The following ADGRL3 variants were observed in gnomAD, a reference collection of about 807,000 sequenced individuals.
ADGRL3 encodes adhesion G protein-coupled receptor L3.
In ADGRL3, 62 loss-of-function variants were observed where a neutral mutation model predicts 153.5. That is an observed-to-expected ratio of 0.40 (90% CI 0.33 to 0.50). ADGRL3 has a LOEUF of 0.50. Among genes scored for constraint, ADGRL3 ranks in the 20% least tolerant of loss-of-function variants. The probability of loss-of-function intolerance (pLI) is 0.47; values close to 1 mark genes in which losing one functional copy is unlikely to be tolerated. For synonymous variants in ADGRL3, 710 were observed against 672.5 expected (o/e 1.06, Z -0.86); for missense variants, 1,641 against 1,859.4 (o/e 0.88, Z 2.16).
intron 3 of ADGRL3, among the ~76,000 whole-genome samples, chr4:61,510,893 G>A (rs2098459966): frequency 1.3e-5 from 2 of 152,066 alleles, no homozygotes; most frequent in South Asian, 2.1e-4. Flanking sequence ...TTCTATCCAC[G>A]TGTATGGAAT....
rs149527637 is a variant in ADGRL3, at chr4:61,711,636, C to G, written c.584-18986C>G. Among the ~76,000 whole-genome samples, 385 of 151,162 alleles carry G rather than the reference C, an allele frequency of 2.5e-3. 5 individuals are homozygous for G. Among genetic ancestry groups the G allele is most frequent in the African/African-American group, 8.5e-3 (350 of 41,160 alleles). The stretch of plus-strand genomic sequence containing the variant: ...GAATAGGTTCAGAGTAGCTTTGGGG[C>G]TGCCACATGATTGGATAACATTTAT... On this transcript the variant is annotated intron_variant, in intron 6 of 26. Coordinates refer to ENST00000683033, the MANE Select transcript of ADGRL3 (RefSeq NM_001387552.1).
chr4:61,484,445 A>G (rs2098167589), intron 2 of ADGRL3, among the ~76,000 whole-genome samples: 1 of 152,144 alleles, frequency 6.6e-6, no homozygotes, highest in Admixed American at 6.6e-5. Context: ...CAATTTTGCG[A>G]GGATTTAAAT....
At chr4:62,040,111 T>C (rs1727390926) in intron 24 of ADGRL3, among the ~76,000 whole-genome samples, 1 of 152,110 alleles carries the variant, frequency 6.6e-6, no homozygotes, top group Non-Finnish European at 1.5e-5. Context: ...TCATTGACAC[T>C]CAGTTTTTCC....
intron 8 of ADGRL3, among the ~76,000 whole-genome samples, chr4:61,765,093 G>A (rs373464951): frequency 6.6e-6 from 1 of 152,096 alleles, no homozygotes; most frequent in Non-Finnish European, 1.5e-5. Context: ...CAAAGATTAT[G>A]TATTTACTTC....
chr4:61,702,204 C>T (rs1023695412), intron 6 of ADGRL3, among the ~76,000 whole-genome samples: 40 of 152,084 alleles, frequency 2.6e-4, no homozygotes, highest in African/African-American at 9.2e-4. Flanking sequence ...TTCTAGATGT[C>T]ATTTCTTTCT....
Position 61,302,402 on chromosome 4 carries a change from T to C in ADGRL3, c.-239-80722T>C, listed in dbSNP as rs78273669. On this transcript the variant is annotated intron_variant, in intron 1 of 26. Coordinates refer to ENST00000683033, the MANE Select transcript of ADGRL3 (RefSeq NM_001387552.1). ...TTTGAAGCAAATGGTTTATAATTGG[T>C]TCTGTCTTTATGCTTTTATCTAAAA... 1.5e-4 allele frequency among the ~76,000 whole-genome samples: 23 copies of C among 152,320 alleles called. No homozygotes were observed. The East Asian group carries it at 4.4e-3, about 29-fold the overall frequency.
intron 6 of ADGRL3, among the ~76,000 whole-genome samples, chr4:61,683,139 G>T (rs1417503481): frequency 6.7e-6 from 1 of 148,472 alleles, no homozygotes; most frequent in Admixed American, 6.7e-5. Flanking sequence ...TTGAGACAGG[G>T]TCTTGCTCTG....
chr4:61,805,925 G>A (rs10517547), intron 8 of ADGRL3, among the ~76,000 whole-genome samples: 17,108 of 152,092 alleles, frequency 0.11, 1,282 homozygotes, highest in Admixed American at 0.16. Context: ...TATCAAATTT[G>A]CAACACTTCT....
At chr4:61,603,518 A>G (rs2149557340) in intron 5 of ADGRL3, among the ~76,000 whole-genome samples, 1 of 152,294 alleles carries the variant, frequency 6.6e-6, no homozygotes, top group South Asian at 2.1e-4. Context: ...TGAAAATGGG[A>G]TCAGAGTTCT....
At position 61,634,680 on chromosome 4, in the gene ADGRL3, T is replaced by A. The variant is rs78842150; in HGVS notation, c.474-42146T>A. ...GTAATTAAAAAGAAATGTGATGGGCTGCTGTTTTTATTTAAGATGTAGAAA... is the reference window on the plus strand; with the variant it reads ...GTAATTAAAAAGAAATGTGATGGGCAGCTGTTTTTATTTAAGATGTAGAAA... On this transcript the variant is annotated intron_variant, in intron 5 of 26. Transcript: ENST00000683033. 5.8e-3 allele frequency among the ~76,000 whole-genome samples: 876 copies of A among 152,278 alleles called. 13 individuals carry two copies. The highest frequency in any genetic ancestry group is 0.02 in the African/African-American group (832 of 41,562).
chr4:61,812,271 A>C (rs2097637354), intron 8 of ADGRL3, among the ~76,000 whole-genome samples: 1 of 152,212 alleles, frequency 6.6e-6, no homozygotes, highest in Admixed American at 6.5e-5. Flanking sequence ...AGTTACCATT[A>C]TGAGGGACTC....
intron 2 of ADGRL3, among the ~76,000 whole-genome samples, chr4:61,443,993 G>A (rs1049796686): frequency 5.4e-5 from 8 of 148,932 alleles, no homozygotes; most frequent in Non-Finnish European, 1.2e-4. Context: ...CTGAATCAGC[G>A]TGAGTGTCAT....
At chr4:61,842,976 T>A (rs1469404108) in intron 9 of ADGRL3, among the ~76,000 whole-genome samples, 1 of 152,136 alleles carries the variant, frequency 6.6e-6, no homozygotes, top group African/African-American at 2.4e-5. Context: ...GAAACACATG[T>A]AAGAAGAGAA....
intron 4 of ADGRL3, among the ~76,000 whole-genome samples, chr4:61,558,040 T>A (rs2098775356): frequency 6.6e-6 from 1 of 150,692 alleles, no homozygotes; most frequent in Non-Finnish European, 1.5e-5. Flanking sequence ...AGTGTAAGAA[T>A]ACATATTCTG....
intron 4 of ADGRL3, among the ~76,000 whole-genome samples, chr4:61,551,039 A>G (rs2098737953): frequency 1.3e-5 from 2 of 152,048 alleles, no homozygotes; most frequent in Admixed American, 1.3e-4. Flanking sequence ...TACATTGAAG[A>G]TATTAATCAC....
At chr4:61,652,464 T>C (rs2094294874) in intron 5 of ADGRL3, among the ~76,000 whole-genome samples, 1 of 152,168 alleles carries the variant, frequency 6.6e-6, no homozygotes, top group Non-Finnish European at 1.5e-5. Flanking sequence ...ACACACTTTA[T>C]GTGTTTATTG....
At chr4:61,302,008 T>C (rs571535093) in intron 1 of ADGRL3, among the ~76,000 whole-genome samples, 1 of 152,304 alleles carries the variant, frequency 6.6e-6, no homozygotes, top group East Asian at 1.9e-4. Context: ...CTGGGAATAA[T>C]TGTCTACTTG....
At chr4:61,568,441 T>G (rs189046311) in intron 4 of ADGRL3, among the ~76,000 whole-genome samples, 1 of 152,278 alleles carries the variant, frequency 6.6e-6, no homozygotes, top group Non-Finnish European at 1.5e-5. Flanking sequence ...ATTCATGGTC[T>G]AACTACCCCC....
chr4:61,844,050 A>C (rs1380083994), intron 9 of ADGRL3, among the ~76,000 whole-genome samples: 2 of 150,936 alleles, frequency 1.3e-5, no homozygotes, highest in African/African-American at 4.9e-5. Flanking sequence ...ACAGTAGACT[A>C]TATCAACGTC....
Sources: allele counts gnomAD v4.1 joint callset (sites outside exome capture counted in the v4.1 genomes callset), GRCh38; gene constraint gnomAD v4.1.1; transcripts MANE v1.5; gene names NCBI Gene and HGNC (gene_info 2026-07-23, HGNC 2026-07-21).